Variants in MAF observed in about 807,000 individuals in gnomAD.
MAF encodes the protein transcription factor Maf.
Under a neutral mutation model 22.0 loss-of-function variants are expected in MAF, and 10 were observed. The observed-to-expected ratio is 0.45, with a 90% confidence interval of 0.28 to 0.77. The LOEUF (loss-of-function observed/expected upper bound fraction) is 0.77, where lower values mean the gene tolerates loss of function less well. MAF is among the 30% of genes least tolerant of loss of function. The pLI is 0.12. For missense variants in MAF, 544 were observed against 548.4 expected, an observed-to-expected ratio of 0.99 and a Z score of 0.08; for synonymous variants, 337 against 255.8, an observed-to-expected ratio of 1.32 and a Z score of -3.03.
the MAF span, among the ~76,000 whole-genome samples, chr16:79,523,587 G>C: frequency 7.9e-5 from 12 of 152,196 alleles, no homozygotes; most frequent in African/African-American, 2.9e-4. Context: ...TGCCTCAAGA[G>C]TTTAGTGAAG....
the MAF span, among the ~76,000 whole-genome samples, chr16:79,226,853 T>G: frequency 6.6e-6 from 1 of 152,072 alleles, no homozygotes; most frequent in Non-Finnish European, 1.5e-5. Flanking sequence ...GCTGCCTTAT[T>G]GAGTATTATA....
chr16:79,598,691 G>C (rs903098570), intron 1 of MAF, 94 bp downstream of exon 1: 5 of 1,575,738 alleles, frequency 3.2e-6, no homozygotes, highest in South Asian at 2.3e-5. Context: ...AGGTGGTGGC[G>C]AGCATGGCTC....
the MAF span, among the ~76,000 whole-genome samples, chr16:79,556,615 G>A: frequency 6.6e-6 from 1 of 152,222 alleles, no homozygotes; most frequent in African/African-American, 2.4e-5. Context: ...GACAAGGGTT[G>A]AGCAAGGAGA....
At chr16:79,297,241 G>C in the MAF span, among the ~76,000 whole-genome samples, 2 of 152,168 alleles carry the variant, frequency 1.3e-5, no homozygotes, top group Admixed American at 6.5e-5. Flanking sequence ...AAGTACTTTG[G>C]AGGAATTTTT....
At chr16:79,481,521 C>T in the MAF span, among the ~76,000 whole-genome samples, 1 of 152,206 alleles carries the variant, frequency 6.6e-6, no homozygotes, top group South Asian at 2.1e-4. Flanking sequence ...ACAGTCCCAT[C>T]CATCCTCAAA....
chr16:79,208,243 C>T, the MAF span, among the ~76,000 whole-genome samples: 4 of 152,198 alleles, frequency 2.6e-5, no homozygotes, highest in East Asian at 3.9e-4. Context: ...AAAGATTCTT[C>T]TGGGCTTCCC....
At chr16:79,257,392 A>C in the MAF span, among the ~76,000 whole-genome samples, 1 of 152,154 alleles carries the variant, frequency 6.6e-6, no homozygotes, top group Non-Finnish European at 1.5e-5. Context: ...ATGCAAAAAT[A>C]TTAAAAATGC....
the MAF span, among the ~76,000 whole-genome samples, chr16:79,415,129 A>T: frequency 2.0e-5 from 3 of 152,230 alleles, no homozygotes; most frequent in Non-Finnish European, 4.4e-5. Context: ...AGCAGCTCTA[A>T]CATTGTCCTC....
At chr16:79,413,782 G>T in the MAF span, among the ~76,000 whole-genome samples, 1 of 152,184 alleles carries the variant, frequency 6.6e-6, no homozygotes, top group Admixed American at 6.5e-5. Context: ...CAATCTTTCC[G>T]AAGAGGCAAC....
chr16:79,460,437 T>A, the MAF span, among the ~76,000 whole-genome samples: 1 of 152,222 alleles, frequency 6.6e-6, no homozygotes, highest in Admixed American at 6.5e-5. Context: ...TACTAAACTC[T>A]CATGTATAAC....
chr16:79,552,914 A>C, the MAF span, among the ~76,000 whole-genome samples: 1 of 152,228 alleles, frequency 6.6e-6, no homozygotes, highest in Non-Finnish European at 1.5e-5. Flanking sequence ...CCATTTTGCC[A>C]CATCAGTTCA....
chr16:79,456,028 T>A, the MAF span, among the ~76,000 whole-genome samples: 1 of 152,018 alleles, frequency 6.6e-6, no homozygotes, highest in African/African-American at 2.4e-5. Context: ...AATAAATAAA[T>A]ATTAAAAAAA....
the MAF span, among the ~76,000 whole-genome samples, chr16:79,337,478 G>T: frequency 2.6e-5 from 4 of 152,172 alleles, no homozygotes; most frequent in African/African-American, 9.7e-5. Flanking sequence ...TGAGGCAGAA[G>T]AATCGCTTGA....
chr16:79,528,476 C>G, the MAF span, among the ~76,000 whole-genome samples: 20 of 152,154 alleles, frequency 1.3e-4, no homozygotes, highest in Admixed American at 8.5e-4. Context: ...TCATCCAAGC[C>G]AAGAAAAACT....
intron 1 of MAF, chr16:79,595,677 G>T (rs1447585650): frequency 2.8e-6 from 3 of 1,057,834 alleles, no homozygotes; most frequent in Non-Finnish European, 3.4e-6. Context: ...AGCCTATTTT[G>T]GGGTAAATAC....
At chr16:79,506,135 G>T in the MAF span, among the ~76,000 whole-genome samples, 2 of 152,134 alleles carry the variant, frequency 1.3e-5, no homozygotes, top group East Asian at 3.9e-4. Flanking sequence ...ATAAGAAAGA[G>T]ATTTCTTGGA....
At chr16:79,473,062 A>C in the MAF span, among the ~76,000 whole-genome samples, 1 of 152,156 alleles carries the variant, frequency 6.6e-6, no homozygotes, top group African/African-American at 2.4e-5. Context: ...AAGGGGAACG[A>C]AGAAAAGTAG....
the MAF span, among the ~76,000 whole-genome samples, chr16:79,325,682 G>A: frequency 2.6e-5 from 4 of 151,950 alleles, no homozygotes; most frequent in African/African-American, 7.3e-5. Flanking sequence ...GAAGAACAAA[G>A]CAAGATATAA....
At chr16:79,499,885 G>T in the MAF span, among the ~76,000 whole-genome samples, 2 of 152,208 alleles carry the variant, frequency 1.3e-5, no homozygotes, top group Non-Finnish European at 2.9e-5. Context: ...CAACATTTGT[G>T]ATTTAGTTAC....
Sources: gnomAD v4.1 joint callset for allele counts (sites outside exome capture counted in the v4.1 genomes callset) on GRCh38, gnomAD v4.1.1 for gene constraint, MANE v1.5 for transcripts, NCBI Gene and HGNC (gene_info 2026-07-23, HGNC 2026-07-21) for gene names.